Variants in MEX3D observed in about 807,000 individuals in gnomAD.
MEX3D encodes mex-3 RNA binding family member D.
A neutral mutation model predicts 6.3 loss-of-function variants in MEX3D; 4 were observed. The observed-to-expected ratio is 0.64, with a 90% CI of 0.31 to 1.46. The LOEUF (loss-of-function observed/expected upper bound fraction) is 1.46, where lower values mean the gene tolerates loss of function less well. Ranked by LOEUF, MEX3D falls within the 40% of genes most tolerant of loss-of-function variation. The probability of loss-of-function intolerance (pLI) is 0.07; values close to 1 mark genes in which losing one functional copy is unlikely to be tolerated. For synonymous variants in MEX3D, 626 were observed against 494.1 expected (o/e 1.27, Z -3.54); for missense variants, 1,038 against 994.4 (o/e 1.04, Z -0.59).
chr19:1,567,232 A>AGGC lies in MEX3D; in HGVS notation c.595+229_595+231dup, dbSNP rs1914864859. ...TCCGGGCTGGAGGCGGCCCAGACAA[A>AGGC]GGCGGCGGCGGGGCCGGAGCGCGCA... is the stretch of plus-strand genomic sequence containing the variant. On this transcript the variant is annotated intron_variant, in intron 1 of 1. Coordinates refer to ENST00000402693, the MANE Select transcript of MEX3D (RefSeq NM_203304.4). The surrounding 1 kb of genome is among the most constrained non-coding windows in gnomAD (Gnocchi z 6.5). 6.6e-6 allele frequency among the ~76,000 whole-genome samples: 1 copy of AGGC among 151,864 alleles called. No homozygotes were observed. The highest frequency in any genetic ancestry group is 6.6e-5 in the Admixed American group (1 of 15,242).
At position 1,567,834 on chromosome 19, in the gene MEX3D, G is replaced by A; in HGVS notation, c.225C>T (p.Gly75=). Residue 75 remains glycine, a synonymous_variant, in exon 1 of 2, where the codon GGC becomes GGT. Transcript: ENST00000402693. The surrounding 1 kb of genome is among the most constrained non-coding windows in gnomAD (Gnocchi z 6.5). ...QLSALGLGGA[G]DTDEEGAAGD... is the part of the protein sequence containing the mutation. ...CGGCCGCCCCCTCCTCGTCCGTGTC[G>A]CCAGCGCCCCCCAGCCCGAGCGCCG... is the stretch of plus-strand genomic sequence containing the variant. 3 of 1,001,180 alleles carry A rather than the reference G, an allele frequency of 3.0e-6. No individual in the cohort carries two copies. The highest frequency in any genetic ancestry group is 8.1e-5 in the South Asian group (2 of 24,734). 62.0% of individuals were successfully genotyped at this position (1,001,180 alleles called of 1,614,324 possible).
Position 1,557,850 on chromosome 19 carries a change from G to A in MEX3D, c.596-927C>T, listed in dbSNP as rs1914613900. Reference sequence around the variant, plus strand: ...CACTCCAGCCTGGGTGACAGAGCGAGACTGTCTCAAAAAAAAAAAAAAAAA... The same window carrying A: ...CACTCCAGCCTGGGTGACAGAGCGAAACTGTCTCAAAAAAAAAAAAAAAAA... On this transcript the variant is annotated intron_variant, in intron 1 of 1. Transcript: ENST00000402693. 2.7e-4 allele frequency among the ~76,000 whole-genome samples: 20 copies of A among 73,050 alleles called. 1 individual carries two copies. The South Asian group carries it at 0.01, about 38-fold the overall frequency. The allele number at this position is 73,050 out of a possible 152,430, so 47.9% of individuals were successfully genotyped here. A position where few individuals can be genotyped will look rare whatever the true frequency, so the allele number is the denominator to read the frequency against.
At chr19:1,561,747 C>T (rs926149894) in intron 1 of MEX3D, among the ~76,000 whole-genome samples, 2 of 152,094 alleles carry the variant, frequency 1.3e-5, no homozygotes, top group African/African-American at 4.8e-5. Context: ...GGGCTCAAGC[C>T]ATCCTCTCAC....
At position 1,555,435 on chromosome 19, in the gene MEX3D, A is replaced by T; in HGVS notation, c.*128T>A. On this transcript the variant is annotated 3_prime_UTR_variant, in exon 2 of 2. Transcript: ENST00000402693. ...CATCTGTAAACACTGGCCGCCGCCC[A>T]CCCCCCTGCCCCCTCGGCCTCCGCC... 1.0e-6 allele frequency: 1 copy of T among 973,230 alleles called. No individual in the cohort carries two copies. The allele number at this position is 973,230 out of a possible 1,614,324, so 60.3% of individuals were successfully genotyped here. A position where few individuals can be genotyped will look rare whatever the true frequency, so the allele number is the denominator to read the frequency against.
Position 1,555,190 on chromosome 19 carries a change from A to G in MEX3D, c.*373T>C. 9.3e-6 allele frequency: 8 copies of G among 855,846 alleles called. No homozygotes were observed. Among genetic ancestry groups the G allele is most frequent in the Non-Finnish European group, 1.3e-5 (8 of 624,190 alleles). The allele number at this position is 855,846 out of a possible 1,614,324, so 53.0% of individuals were successfully genotyped here. ...AGAAAACGGCTTCGGACGAAAGGAA[A>G]AAACGCTGAGCGCTGGAAAAGTCGT... is the stretch of plus-strand genomic sequence containing the variant. On this transcript the variant is annotated 3_prime_UTR_variant, in exon 2 of 2. Coordinates refer to ENST00000402693, the MANE Select transcript of MEX3D (RefSeq NM_203304.4).
Position 1,567,814 on chromosome 19 carries a change from G to T in MEX3D, c.245C>A (p.Ala82Glu). 1 of 966,734 alleles carries T rather than the reference G, an allele frequency of 1.0e-6. No individual in the cohort carries two copies. Among genetic ancestry groups the T allele is most frequent in the Non-Finnish European group, 1.2e-6 (1 of 815,066 alleles). The allele number at this position is 966,734 out of a possible 1,614,324, so 59.9% of individuals were successfully genotyped here. A position where few individuals can be genotyped will look rare whatever the true frequency, so the allele number is the denominator to read the frequency against. ...GGAGDTDEEG[A>E]AGDGAAAAGG... ...CGCCGCCGCTGCGCCGTCCCCGGCC[G>T]CCCCCTCCTCGTCCGTGTCGCCAGC... Residue 82 changes from alanine (A) to glutamate (E), a missense_variant, in exon 1 of 2, where the codon GCG (alanine) becomes GAG (glutamate). Physicochemically the swap from Ala to Glu is moderately radical, Grantham distance 107. Around this residue, in one of 5 missense-constraint regions of MEX3D, gnomAD observed 265 missense variants for 206.3 expected, o/e 1.28. Transcript: ENST00000402693. The surrounding 1 kb of genome is among the most constrained non-coding windows in gnomAD (Gnocchi z 6.5).
Position 1,568,066 on chromosome 19 carries a change from G to C in MEX3D, c.-8C>G, listed in dbSNP as rs1186637024. 2 of 979,294 alleles carry C rather than the reference G, an allele frequency of 2.0e-6. No individual in the cohort carries two copies. Among genetic ancestry groups the C allele is most frequent in the Non-Finnish European group, 2.4e-6 (2 of 827,948 alleles). The allele number at this position is 979,294 out of a possible 1,614,324, so 60.7% of individuals were successfully genotyped here. ...GCCGAGCGAGCTGGGCATGGCGGGA[G>C]CTAGCGCTGGGGCCCGCGCTCCTGC... is the stretch of plus-strand genomic sequence containing the variant. On this transcript the variant is annotated 5_prime_UTR_variant, in exon 1 of 2. Coordinates refer to ENST00000402693, the MANE Select transcript of MEX3D (RefSeq NM_203304.4).
In MEX3D at chr19:1,567,573, C is replaced by A. The variant is rs1279737014; in HGVS notation, c.486G>T (p.Leu162=). Residue 162 remains leucine (L), a synonymous_variant, in exon 1 of 2, where the codon CTG becomes CTT. Coordinates refer to ENST00000402693, the MANE Select transcript of MEX3D (RefSeq NM_203304.4). The surrounding 1 kb of genome is among the most constrained non-coding windows in gnomAD (Gnocchi z 6.5). The part of the protein sequence containing the change: ...PHPAALGPPT[L]LADQMSVIGS... Reference sequence around the variant, plus strand: ...CGATCACGCTCATCTGGTCGGCCAGCAGCGTCGGGGGCCCCAGGGCCGCGG... The same window carrying A: ...CGATCACGCTCATCTGGTCGGCCAGAAGCGTCGGGGGCCCCAGGGCCGCGG... The A allele has an allele frequency of 3.3e-6, 5 of 1,505,586 alleles. No homozygotes were observed. Among genetic ancestry groups the A allele is most frequent in the Non-Finnish European group, 4.4e-6 (5 of 1,128,864 alleles). The allele number at this position is 1,505,586 out of a possible 1,614,324, so 93.3% of individuals were successfully genotyped here. A position where few individuals can be genotyped will look rare whatever the true frequency, so the allele number is the denominator to read the frequency against.
chr19:1,555,272 A>C lies in MEX3D; in HGVS notation c.*291T>G. ...TGGAGGGGAGGGGTGTCTAAAAATAAGAAAACTAAAAAAAGTGCAAGCGGA... is the reference window on the plus strand; with the variant it reads ...TGGAGGGGAGGGGTGTCTAAAAATACGAAAACTAAAAAAAGTGCAAGCGGA... On this transcript the variant is annotated 3_prime_UTR_variant, in exon 2 of 2. Coordinates refer to ENST00000402693, the MANE Select transcript of MEX3D (RefSeq NM_203304.4). The C allele has an allele frequency of 6.6e-7, 1 of 1,521,840 alleles. No homozygotes were observed. Among genetic ancestry groups the C allele is most frequent in the Non-Finnish European group, 8.9e-7 (1 of 1,121,272 alleles). The allele number at this position is 1,521,840 out of a possible 1,614,324, so 94.3% of individuals were successfully genotyped here.
At chr19:1,558,366 A>G in intron 1 of MEX3D, among the ~76,000 whole-genome samples, 1 of 151,260 alleles carries the variant, frequency 6.6e-6, no homozygotes, top group Admixed American at 6.6e-5. Flanking sequence ...CCTTGTCTCA[A>G]AAAAAGAAGG....
Position 1,556,286 on chromosome 19 carries a change from G to C in MEX3D, c.1233C>G (p.Gly411=). Residue 411 remains glycine, a synonymous_variant, in exon 2 of 2, where the codon GGC becomes GGG. Coordinates refer to ENST00000402693, the MANE Select transcript of MEX3D (RefSeq NM_203304.4). This position sits in a 1 kb window ranked among gnomAD's most constrained non-coding sequence, Gnocchi z 7.5. ...APEAFYAGSR[G]GPSVPDPGPA... ...GGCCTGGGTCCGGCACGGAGGGGCC[G>C]CCGCGGCTGCCCGCGTAGAAGGCCT... 1 of 1,274,966 alleles carries C rather than the reference G, an allele frequency of 7.8e-7. No homozygotes were observed. The highest frequency in any genetic ancestry group is 9.9e-7 in the Non-Finnish European group (1 of 1,012,822). The allele number at this position is 1,274,966 out of a possible 1,614,324, so 79.0% of individuals were successfully genotyped here.
At position 1,567,811 on chromosome 19, in the gene MEX3D, G is replaced by A; in HGVS notation, c.248C>T (p.Ala83Val). The A allele has an allele frequency of 1.0e-6, 1 of 952,610 alleles. No individual in the cohort carries two copies. Among genetic ancestry groups the A allele is most frequent in the Non-Finnish European group, 1.2e-6 (1 of 803,676 alleles). The allele number at this position is 952,610 out of a possible 1,614,324, so 59.0% of individuals were successfully genotyped here. A position where few individuals can be genotyped will look rare whatever the true frequency, so the allele number is the denominator to read the frequency against. Residue 83 changes from alanine (A) to valine (V), a missense_variant, in exon 1 of 2, where the codon GCC becomes GTC. By Grantham distance (64) the Ala-to-Val change is moderately conservative. This residue lies in a region of MEX3D where 265 missense variants were observed against 206.3 expected (regional missense o/e 1.28). Transcript: ENST00000402693. The surrounding 1 kb of genome is among the most constrained non-coding windows in gnomAD (Gnocchi z 6.5). Reference sequence around the variant, plus strand: ...CCCCGCCGCCGCTGCGCCGTCCCCGGCCGCCCCCTCCTCGTCCGTGTCGCC... The same window carrying A: ...CCCCGCCGCCGCTGCGCCGTCCCCGACCGCCCCCTCCTCGTCCGTGTCGCC... Reference protein sequence around the residue: ...GAGDTDEEGAAGDGAAAAGGA... With the variant: ...GAGDTDEEGAVGDGAAAAGGA...
chr19:1,556,335 G>C lies in MEX3D; in HGVS notation c.1184C>G (p.Ala395Gly). The C allele has an allele frequency of 1.4e-6, 2 of 1,381,920 alleles. No homozygotes were observed. The highest frequency in any genetic ancestry group is 1.9e-6 in the Non-Finnish European group (2 of 1,075,760). 85.6% of individuals were successfully genotyped at this position (1,381,920 alleles called of 1,614,324 possible). A position where few individuals can be genotyped will look rare whatever the true frequency, so the allele number is the denominator to read the frequency against. The part of the protein sequence containing the change: ...TATAGLRGDT[A>G]LGAPSAPEAF... ...CTCGGGGGCGCTGGGGGCGCCCAGG[G>C]CCGTGTCCCCGCGGAGGCCGGCCGT... The change falls in exon 2 of 2, where the codon GCC (alanine) becomes GGC (glycine). Residue 395 changes from alanine to glycine, a missense_variant. This residue lies in a region of MEX3D where 581 missense variants were observed against 516.2 expected (regional missense o/e 1.13). Coordinates refer to ENST00000402693, the MANE Select transcript of MEX3D (RefSeq NM_203304.4). The surrounding 1 kb of genome is among the most constrained non-coding windows in gnomAD (Gnocchi z 7.5).
At position 1,567,978 on chromosome 19, in the gene MEX3D, G is replaced by T; in HGVS notation, c.81C>A (p.Asp27Glu). ...GCGGGGGCGCAGGTCCGGGTCCGGGGTCCTCCCCCGCCGCCCCCACGCCGC... is the reference window on the plus strand; with the variant it reads ...GCGGGGGCGCAGGTCCGGGTCCGGGTTCCTCCCCCGCCGCCCCCACGCCGC... Reference protein sequence around the residue: ...GGGGVGAAGEDPGPGPAPPPE... With the variant: ...GGGGVGAAGEEPGPGPAPPPE... Residue 27 changes from aspartate to glutamate, a missense_variant, in exon 1 of 2, where the codon GAC becomes GAA. Physicochemically the swap from Asp to Glu is conservative, Grantham distance 45 (BLOSUM62 2). This residue lies in a region of MEX3D where 265 missense variants were observed against 206.3 expected (regional missense o/e 1.28). Coordinates refer to ENST00000402693, the MANE Select transcript of MEX3D (RefSeq NM_203304.4). The surrounding 1 kb of genome is among the most constrained non-coding windows in gnomAD (Gnocchi z 6.5). 2 of 978,078 alleles carry T rather than the reference G, an allele frequency of 2.0e-6. No homozygotes were observed. Among genetic ancestry groups the T allele is most frequent in the Middle Eastern group, 5.3e-4 (1 of 1,892 alleles). 60.6% of individuals were successfully genotyped at this position (978,078 alleles called of 1,614,324 possible). A position where few individuals can be genotyped will look rare whatever the true frequency, so the allele number is the denominator to read the frequency against.
chr19:1,566,145 G>C (rs1914833556), intron 1 of MEX3D, among the ~76,000 whole-genome samples: 1 of 152,170 alleles, frequency 6.6e-6, no homozygotes, highest in African/African-American at 2.4e-5. Context: ...TAACAGGATG[G>C]TAGGGCGCCC....
chr19:1,562,382 G>A (rs1029506051), intron 1 of MEX3D, among the ~76,000 whole-genome samples: 23 of 151,618 alleles, frequency 1.5e-4, no homozygotes, highest in South Asian at 6.3e-4. Context: ...AAAATTAGCC[G>A]GGCGTGGTGG....
At position 1,567,880 on chromosome 19, in the gene MEX3D, C is replaced by A; in HGVS notation, c.179G>T (p.Arg60Leu). The A allele has an allele frequency of 1.0e-6, 1 of 981,850 alleles. No homozygotes were observed. The highest frequency in any genetic ancestry group is 1.2e-6 in the Non-Finnish European group (1 of 829,860). The allele number at this position is 981,850 out of a possible 1,614,324, so 60.8% of individuals were successfully genotyped here. ...CGCCGACAGCTGGTCCAGCGCCAGGCGGAGCGCGGCGGCCGCGTCGTCGGG... is the reference window on the plus strand; with the variant it reads ...CGCCGACAGCTGGTCCAGCGCCAGGAGGAGCGCGGCGGCCGCGTCGTCGGG... The part of the protein sequence containing the change: ...PEPDDAAAAL[R>L]LALDQLSALG... The change falls in exon 1 of 2, where the codon CGC (arginine) becomes CTC (leucine). Residue 60 changes from arginine (R) to leucine (L), a missense_variant. This residue lies in a region of MEX3D where 265 missense variants were observed against 206.3 expected (regional missense o/e 1.28). Transcript: ENST00000402693. This position sits in a 1 kb window ranked among gnomAD's most constrained non-coding sequence, Gnocchi z 6.5.
In MEX3D at chr19:1,568,097, G is replaced by GCGC. The variant is rs931992103; in HGVS notation, c.-42_-40dup. 4.5e-5 allele frequency: 44 copies of GCGC among 976,852 alleles called. No homozygotes were observed. Among genetic ancestry groups the GCGC allele is most frequent in the African/African-American group, 2.3e-4 (13 of 55,326 alleles). The allele number at this position is 976,852 out of a possible 1,614,324, so 60.5% of individuals were successfully genotyped here. A position where few individuals can be genotyped will look rare whatever the true frequency, so the allele number is the denominator to read the frequency against. ...GCTGGGGCCCGCGCTCCTGCCGCCC[G>GCGC]CGCCGCCGCCGCCGCCCGCGCCGCC... On this transcript the variant is annotated 5_prime_UTR_variant, in exon 1 of 2. Coordinates refer to ENST00000402693, the MANE Select transcript of MEX3D (RefSeq NM_203304.4).
In MEX3D at chr19:1,556,205, A is replaced by G. The variant is rs779591385; in HGVS notation, c.1314T>C (p.Gly438=). ...CGGCCGTCCCCACCGGGGCACCGGG[A>G]CCCTCCGCGCCGAAGGCGAAGCCCC... is the stretch of plus-strand genomic sequence containing the variant. ...GNGGFAFGAE[G]PGAPVGTAAP... The change falls in exon 2 of 2, where the codon GGT becomes GGC. Residue 438 remains glycine, a synonymous_variant. Coordinates refer to ENST00000402693, the MANE Select transcript of MEX3D (RefSeq NM_203304.4). This position sits in a 1 kb window ranked among gnomAD's most constrained non-coding sequence, Gnocchi z 7.5. 6.9e-7 allele frequency: 1 copy of G among 1,441,526 alleles called. No individual in the cohort carries two copies. The highest frequency in any genetic ancestry group is 9.1e-7 in the Non-Finnish European group (1 of 1,097,236). The allele number at this position is 1,441,526 out of a possible 1,614,324, so 89.3% of individuals were successfully genotyped here.
Sources: allele counts gnomAD v4.1 joint callset (sites outside exome capture counted in the v4.1 genomes callset), GRCh38; gene constraint gnomAD v4.1.1; regional missense constraint gnomAD v4.1.1; non-coding constraint Gnocchi (gnomAD v3.1); transcripts MANE v1.5; gene names NCBI Gene and HGNC (gene_info 2026-07-23, HGNC 2026-07-21).